The following HSPBAP1 variants were observed in gnomAD, a reference collection of about 807,000 sequenced individuals.
HSPBAP1 encodes HSPB1 associated protein 1.
In HSPBAP1, 27 loss-of-function variants were observed where a neutral mutation model predicts 45.2. The observed-to-expected ratio is 0.60, with a 90% confidence interval of 0.44 to 0.82. The LOEUF (loss-of-function observed/expected upper bound fraction) is 0.82. Among genes scored for constraint, HSPBAP1 ranks in the 40% least tolerant of loss-of-function variants. HSPBAP1 has a pLI of 0.00. For missense variants in HSPBAP1, 510 were observed against 590.9 expected (o/e 0.86, Z 1.42); for synonymous variants, 204 against 202.7 (o/e 1.01, Z -0.06).
chr3:122,778,859 A>G (rs1239547276), intron 1 of HSPBAP1, among the ~76,000 whole-genome samples: 2 of 152,076 alleles, frequency 1.3e-5, no homozygotes, highest in Non-Finnish European at 2.9e-5. Flanking sequence ...AAACATTTAA[A>G]TATCAATGGT....
At chr3:122,779,930 A>G (rs1455734763) in intron 1 of HSPBAP1, among the ~76,000 whole-genome samples, 1 of 151,950 alleles carries the variant, frequency 6.6e-6, no homozygotes, top group East Asian at 1.9e-4. Flanking sequence ...CACGGCAACC[A>G]TCCGATTTCT....
chr3:122,784,608 AAGTATGATAC>A (rs1210183187), intron 1 of HSPBAP1, among the ~76,000 whole-genome samples: 2 of 152,232 alleles, frequency 1.3e-5, no homozygotes, highest in Non-Finnish European at 2.9e-5. Context: ...GCCAAGCGAT[AAGTATGATAC>A]AGGCCTGAAC....
chr3:122,750,515 ATATCTATC>A (rs9289203), intron 6 of HSPBAP1, among the ~76,000 whole-genome samples: 1,722 of 149,138 alleles, frequency 0.012, 34 homozygotes, highest in African/African-American at 0.036. Flanking sequence ...AAATACATCA[ATATCTATC>A]TATCTATCTA....
intron 2 of HSPBAP1, among the ~76,000 whole-genome samples, chr3:122,771,874 G>A (rs1935012860): frequency 1.3e-5 from 2 of 152,262 alleles, no homozygotes; most frequent in South Asian, 4.1e-4. Context: ...ACAGAAATAA[G>A]AAATACACTC....
At chr3:122,776,472 G>C (rs548570732) in intron 2 of HSPBAP1, among the ~76,000 whole-genome samples, 1 of 152,124 alleles carries the variant, frequency 6.6e-6, no homozygotes, top group African/African-American at 2.4e-5. Flanking sequence ...AGCTAATACC[G>C]TATGTGCAAA....
chr3:122,772,847 T>C (rs1370368465), intron 2 of HSPBAP1, among the ~76,000 whole-genome samples: 5 of 151,118 alleles, frequency 3.3e-5, no homozygotes, highest in Non-Finnish European at 5.9e-5. Context: ...CTTTATTTTT[T>C]CATTTTTTTT....
At chr3:122,792,245 G>C (rs753309035) in intron 1 of HSPBAP1, among the ~76,000 whole-genome samples, 4 of 152,142 alleles carry the variant, frequency 2.6e-5, no homozygotes, top group Admixed American at 6.5e-5. Context: ...GTTTGTGCAG[G>C]ACTTTTTCCA....
intron 6 of HSPBAP1, among the ~76,000 whole-genome samples, chr3:122,751,676 C>T (rs974636100): frequency 6.6e-6 from 1 of 152,188 alleles, no homozygotes; most frequent in Non-Finnish European, 1.5e-5. Flanking sequence ...AGTGGAAGTT[C>T]TCCATGGATT....
At chr3:122,745,435 C>T (rs547828871) in intron 6 of HSPBAP1, among the ~76,000 whole-genome samples, 50 of 152,286 alleles carry the variant, frequency 3.3e-4, no homozygotes, top group African/African-American at 9.9e-4. Context: ...TCTGCAGTTT[C>T]GCTTTCCACA....
In HSPBAP1 at chr3:122,741,132, C is replaced by G. The variant is rs780938480; in HGVS notation, c.826-19G>C. The G allele has an allele frequency of 6.5e-7, 1 of 1,537,692 alleles. No individual in the cohort carries two copies. Among genetic ancestry groups the G allele is most frequent in the Non-Finnish European group, 9.0e-7 (1 of 1,110,334 alleles). On this transcript the variant is annotated intron_variant, in intron 6 of 7. Coordinates refer to ENST00000306103, the MANE Select transcript of HSPBAP1 (RefSeq NM_024610.6). ...CCTCTTCCTGAATTAAAAAAACACG[C>G]TTTTAACTTCTGTTAAGTCTCATGG...
intron 3 of HSPBAP1, chr3:122,761,812 A>AT (rs1200017675): frequency 6.6e-6 from 1 of 150,610 alleles, no homozygotes; most frequent in Non-Finnish European, 1.5e-5. Flanking sequence ...AAAAAAAAAA[A>AT]GCAAAATTGT....
At chr3:122,744,490 G>A (rs772800166) in intron 6 of HSPBAP1, among the ~76,000 whole-genome samples, 1 of 152,232 alleles carries the variant, frequency 6.6e-6, no homozygotes, top group Admixed American at 6.5e-5. Flanking sequence ...GACAGAGAAA[G>A]ATATGATTAT....
At position 122,791,789 on chromosome 3, in the gene HSPBAP1, G is replaced by C. The variant is rs113450282; in HGVS notation, c.64+1828C>G. Among the ~76,000 whole-genome samples the C allele has an allele frequency of 3.2e-4, 48 of 152,304 alleles. 1 individual carries two copies. Among genetic ancestry groups the C allele is most frequent in the African/African-American group, 1.1e-3 (47 of 41,556 alleles). On this transcript the variant is annotated intron_variant, in intron 1 of 7. Transcript: ENST00000306103. ...CTGCTAAAGACATCAGCAGAGCCCA[G>C]ACCAAGGATTATTACAGGCCACGGT...
chr3:122,759,057 A>T (rs1402888943), intron 4 of HSPBAP1, among the ~76,000 whole-genome samples, 167 bp downstream of exon 4: 1 of 152,166 alleles, frequency 6.6e-6, no homozygotes, highest in Non-Finnish European at 1.5e-5. Context: ...CAGAGGAGAA[A>T]CCAAAACCAG....
chr3:122,759,012 A>C (rs938628056), intron 4 of HSPBAP1, among the ~76,000 whole-genome samples: 14 of 151,448 alleles, frequency 9.2e-5, no homozygotes, highest in African/African-American at 3.4e-4. Context: ...CAAGGCACGC[A>C]CCTGTAAACC....
At position 122,740,771 on chromosome 3, in the gene HSPBAP1, C is replaced by T. The variant is rs1465714837; in HGVS notation, c.1041G>A (p.Leu347=). The T allele has an allele frequency of 6.2e-7, 1 of 1,614,000 alleles. No homozygotes were observed. Among genetic ancestry groups the T allele is most frequent in the Non-Finnish European group, 8.5e-7 (1 of 1,180,056 alleles). ...RTSEVVEIQA[L]RTDGEHMKKE... ...TTTTCATGTGCTCTCCATCTGTTCT[C>T]AGTGCTTGGATTTCTACTACCTCAG... is the stretch of plus-strand genomic sequence containing the variant. Residue 347 remains leucine (L), a synonymous_variant, in exon 8 of 8, where the codon CTG becomes CTA. Coordinates refer to ENST00000306103, the MANE Select transcript of HSPBAP1 (RefSeq NM_024610.6).
intron 6 of HSPBAP1, among the ~76,000 whole-genome samples, chr3:122,743,747 G>A (rs1388564282): frequency 6.6e-6 from 1 of 152,148 alleles, no homozygotes. Flanking sequence ...ATGGATAGAT[G>A]GACAGATAAT....
intron 4 of HSPBAP1, among the ~76,000 whole-genome samples, chr3:122,757,610 A>G (rs1934400074): frequency 6.6e-6 from 1 of 152,070 alleles, no homozygotes; most frequent in Admixed American, 6.6e-5. Context: ...CATCATAGAG[A>G]GGGTGTCTTA....
Position 122,772,739 on chromosome 3 carries a change from TTAA to T in HSPBAP1, c.251-3860_251-3858del, listed in dbSNP as rs1360488836. 8.5e-5 allele frequency among the ~76,000 whole-genome samples: 13 copies of T among 152,144 alleles called. No homozygotes were observed. In the East Asian group the frequency reaches 2.1e-3, roughly 25 times the overall value. On this transcript the variant is annotated intron_variant, in intron 2 of 7. Coordinates refer to ENST00000306103, the MANE Select transcript of HSPBAP1 (RefSeq NM_024610.6). ...AATTTCTGAAGTTAAAATAAAAATG[TTAA>T]TAAAGCATTATTTGATTATATAAAA...
Sources: allele counts gnomAD v4.1 joint callset (sites outside exome capture counted in the v4.1 genomes callset), GRCh38; gene constraint gnomAD v4.1.1; transcripts MANE v1.5; gene names NCBI Gene and HGNC (gene_info 2026-07-23, HGNC 2026-07-21).